The following SACS variants were observed in gnomAD, a reference collection of about 807,000 sequenced individuals.
SACS encodes the protein sacsin molecular chaperone, also known as sacsin.
Under a neutral mutation model 348.0 loss-of-function variants are expected in SACS, and 197 were observed. That is an observed-to-expected ratio of 0.57 (90% CI 0.50 to 0.64). The LOEUF (loss-of-function observed/expected upper bound fraction) is 0.64. Ranked by LOEUF, SACS falls within the 30% of genes least tolerant of loss-of-function variation. The pLI is 0.00. For synonymous variants in SACS, 1,985 were observed against 1,910.6 expected (o/e 1.04, Z -1.02); for missense variants, 4,999 against 5,360.8 (o/e 0.93, Z 2.11).
In SACS at chr13:23,371,295, G is replaced by A. The variant is rs552643382; in HGVS notation, c.172-130C>T. ...CTTCTTATCATGAAGGAAGTTGTCT[G>A]GAGAAGTGAATATTCCACGGAACAC... On this transcript the variant is annotated intron_variant, in intron 3 of 9. Transcript: ENST00000382292. The A allele has an allele frequency of 2.5e-5, 11 of 441,850 alleles. No homozygotes were observed. The South Asian group carries it at 2.6e-4, about 11-fold the overall frequency. 27.4% of individuals were successfully genotyped at this position (441,850 alleles called of 1,614,324 possible).
chr13:23,355,838 C>G lies in SACS; in HGVS notation c.774G>C (p.Lys258Asn), dbSNP rs1165959000. ...GAAAATTGCCGTTTATAAATGTTTC[C>G]TTGGTGCTTCCAAAAATGCCAACAA... ...APFVGIFGST[K>N]ETFINGNFPG... is the part of the protein sequence containing the mutation. The change falls in exon 8 of 10, where the codon AAG (lysine) becomes AAC (asparagine). Residue 258 changes from lysine to asparagine, a missense_variant. By Grantham distance (94) the Lys-to-Asn change is moderately conservative. Transcript: ENST00000382292. 1.2e-6 allele frequency: 2 copies of G among 1,614,062 alleles called. No individual in the cohort carries two copies. Among genetic ancestry groups the G allele is most frequent in the Admixed American group, 3.3e-5 (2 of 59,994 alleles).
At chr13:23,400,705 C>T (rs553910870) in intron 2 of SACS, among the ~76,000 whole-genome samples, 18 of 152,338 alleles carry the variant, frequency 1.2e-4, no homozygotes, top group African/African-American at 3.8e-4. Flanking sequence ...CAGGCGTGAG[C>T]CACCGCGCCC....
Position 23,332,040 on chromosome 13 carries a change from G to A in SACS, c.11836C>T (p.Leu3946Phe). 1 of 1,614,092 alleles carries A rather than the reference G, an allele frequency of 6.2e-7. No homozygotes were observed. Among genetic ancestry groups the A allele is most frequent in the Non-Finnish European group, 8.5e-7 (1 of 1,179,966 alleles). The change falls in exon 10 of 10, where the codon CTC becomes TTC. Residue 3946 changes from leucine to phenylalanine, a missense_variant. Transcript: ENST00000382292. ...TCTTTCCCTAAGTAGCACTGGCTGA[G>A]ATCAACTAACATTTGCACACCAATA... Reference protein sequence around the residue: ...GNIGVQMLVDLSQCYLGKDHG... With the variant: ...GNIGVQMLVDFSQCYLGKDHG...
At chr13:23,423,141 A>G (rs1010010340) in intron 1 of SACS, among the ~76,000 whole-genome samples, 4 of 152,168 alleles carry the variant, frequency 2.6e-5, no homozygotes, top group Non-Finnish European at 5.9e-5. Flanking sequence ...TTTTATATCA[A>G]TGAATGGAAC....
At chr13:23,369,676 C>G (rs1871267010) in intron 4 of SACS, among the ~76,000 whole-genome samples, 1 of 151,942 alleles carries the variant, frequency 6.6e-6, no homozygotes, top group Non-Finnish European at 1.5e-5. Context: ...TCCTGAGTAG[C>G]TGGGACTACA....
At position 23,337,750 on chromosome 13, in the gene SACS, G is replaced by A. The variant is rs761655321; in HGVS notation, c.6126C>T (p.Cys2042=). 2 of 1,613,868 alleles carry A rather than the reference G, an allele frequency of 1.2e-6. No homozygotes were observed. The highest frequency in any genetic ancestry group is 2.2e-5 in the South Asian group (2 of 91,074). ...ATGTGTTTTCAAGTAGTATCTGTTT[G>A]CAGCCAGCTTCTTCAAATCCTAATT... ...SVKLGFEEAG[C]KQILLENTFS... Residue 2042 remains cysteine (C), a synonymous_variant, in exon 10 of 10, where the codon TGC becomes TGT. Coordinates refer to ENST00000382292, the MANE Select transcript of SACS (RefSeq NM_014363.6).
intron 2 of SACS, among the ~76,000 whole-genome samples, chr13:23,398,878 CA>C (rs1006550157): frequency 1.0e-4 from 15 of 149,416 alleles, no homozygotes; most frequent in Admixed American, 4.0e-4. Flanking sequence ...TACTAAAATA[CA>C]AAAAAAAATT....
Position 23,336,341 on chromosome 13 carries a change from T to C in SACS, c.7535A>G (p.Asn2512Ser), listed in dbSNP as rs777424692. 10 of 1,614,100 alleles carry C rather than the reference T, an allele frequency of 6.2e-6. No homozygotes were observed. In the East Asian group the frequency reaches 1.1e-4, roughly 18 times the overall value. ...TGTGCCAAGTGTTGTAAAACAGACA[T>C]TGGATGCATATCTTTCTAAGGCTTT... is the stretch of plus-strand genomic sequence containing the variant. ...RHKALERYAS[N>S]VCFTTLGTEF... Residue 2512 changes from asparagine (N) to serine (S), a missense_variant, in exon 10 of 10, where the codon AAT becomes AGT. Transcript: ENST00000382292.
At chr13:23,353,230 C>T (rs972079084) in intron 9 of SACS, among the ~76,000 whole-genome samples, 8 of 152,136 alleles carry the variant, frequency 5.3e-5, no homozygotes, top group Non-Finnish European at 8.8e-5. Context: ...CTTTTCCTGC[C>T]CCTGTTACAG....
Position 23,332,306 on chromosome 13 carries a change from A to G in SACS, c.11570T>C (p.Leu3857Ser), listed in dbSNP as rs752925925. The change falls in exon 10 of 10, where the codon TTG becomes TCG. Residue 3857 changes from leucine (L) to serine (S), a missense_variant. Leu to Ser is a moderately radical substitution (Grantham distance 145, BLOSUM62 -2). This residue lies in a region of SACS where 831 missense variants were observed against 941.8 expected (regional missense o/e 0.88). Transcript: ENST00000382292. Reference protein sequence around the residue: ...IISTKQYVEVLSRIFKNSEGK... With the variant: ...IISTKQYVEVSSRIFKNSEGK... ...CTCAGAATTTTTAAATATGCGGCTC[A>G]ACACTTCAACATATTGCTTAGTTGA... 2 of 1,614,046 alleles carry G rather than the reference A, an allele frequency of 1.2e-6. No individual in the cohort carries two copies. The highest frequency in any genetic ancestry group is 3.3e-5 in the Admixed American group (2 of 60,024).
At chr13:23,402,660 G>A (rs887130937) in intron 2 of SACS, among the ~76,000 whole-genome samples, 15 of 152,166 alleles carry the variant, frequency 9.9e-5, no homozygotes, top group Admixed American at 3.3e-4. Flanking sequence ...AGGAATGAAG[G>A]TTGACTTTAT....
chr13:23,407,136 A>C (rs9805694), intron 2 of SACS, among the ~76,000 whole-genome samples: 1 of 152,078 alleles, frequency 6.6e-6, no homozygotes, highest in Non-Finnish European at 1.5e-5. Flanking sequence ...CTGTAAGCCC[A>C]ACATCTAGAC....
At chr13:23,351,186 G>A (rs974378554) in intron 9 of SACS, among the ~76,000 whole-genome samples, 6 of 152,154 alleles carry the variant, frequency 3.9e-5, no homozygotes, top group African/African-American at 1.4e-4. Context: ...ATATCATCAT[G>A]CTCTCAAAAC....
chr13:23,407,481 G>C (rs1376017347), intron 2 of SACS, among the ~76,000 whole-genome samples: 5 of 151,718 alleles, frequency 3.3e-5, no homozygotes. Flanking sequence ...TTACAGGCGT[G>C]AGCCACCACG....
rs780947426 is a variant in SACS, at chr13:23,335,544, T to C, written c.8332A>G (p.Lys2778Glu). Residue 2778 changes from lysine (K) to glutamate (E), a missense_variant, in exon 10 of 10, where the codon AAA (lysine) becomes GAA (glutamate). Coordinates refer to ENST00000382292, the MANE Select transcript of SACS (RefSeq NM_014363.6). This position sits in a 1 kb window ranked among gnomAD's most constrained non-coding sequence, Gnocchi z 4.7. Reference protein sequence around the residue: ...KITDGDRLKRKQFHASVIDSV... With the variant: ...KITDGDRLKREQFHASVIDSV... The stretch of plus-strand genomic sequence containing the variant: ...TCAATTACAGATGCATGAAATTGTT[T>C]CCTTTTCAATCTGTCTCCATCTGTG... 1 of 1,613,786 alleles carries C rather than the reference T, an allele frequency of 6.2e-7. No homozygotes were observed. The highest frequency in any genetic ancestry group is 1.1e-5 in the South Asian group (1 of 91,074).
chr13:23,431,942 G>A (rs943730970), intron 1 of SACS, among the ~76,000 whole-genome samples: 2 of 152,198 alleles, frequency 1.3e-5, no homozygotes, highest in African/African-American at 4.8e-5. Flanking sequence ...GTGAGAAAAC[G>A]ACAAAACTCT....
chr13:23,419,755 T>C (rs1251327283), intron 1 of SACS, among the ~76,000 whole-genome samples: 2 of 152,238 alleles, frequency 1.3e-5, no homozygotes, highest in African/African-American at 4.8e-5. Context: ...CAGCATTCTG[T>C]TGCGAGTTCC....
intron 4 of SACS, 47 bp from the exon 5 acceptor site, chr13:23,368,534 G>T (rs1000219530): frequency 7.4e-7 from 1 of 1,358,926 alleles, no homozygotes; most frequent in East Asian, 2.3e-5. Context: ...AAAATCCCAT[G>T]AATTGTCACC....
chr13:23,402,948 C>T (rs1317405943), intron 2 of SACS, among the ~76,000 whole-genome samples: 1 of 134,188 alleles, frequency 7.5e-6, no homozygotes, highest in Non-Finnish European at 1.7e-5. Flanking sequence ...GAGGCCAAGG[C>T]AGGCAGATCA....
Sources: allele counts gnomAD v4.1 joint callset (sites outside exome capture counted in the v4.1 genomes callset), GRCh38; gene constraint gnomAD v4.1.1; regional missense constraint gnomAD v4.1.1; non-coding constraint Gnocchi (gnomAD v3.1); transcripts MANE v1.5; gene names NCBI Gene and HGNC (gene_info 2026-07-23, HGNC 2026-07-21).